The following ZFHX3 variants were observed in gnomAD, a reference collection of about 807,000 sequenced individuals.
ZFHX3 encodes zinc finger homeobox 3.
ZFHX3 carries 42 observed loss-of-function variants against 279.1 expected under a neutral mutation model. That is an observed-to-expected ratio of 0.15 (90% CI 0.12 to 0.19). The LOEUF (loss-of-function observed/expected upper bound fraction) is 0.19, where lower values mean the gene tolerates loss of function less well. Among genes scored for constraint, ZFHX3 ranks in the 10% least tolerant of loss-of-function variants. ZFHX3 has a pLI of 1.00. For synonymous variants in ZFHX3, 2,293 were observed against 1,957.8 expected, an observed-to-expected ratio of 1.17 and a Z score of -4.52; for missense variants, 4,981 against 4,754.0, an observed-to-expected ratio of 1.05 and a Z score of -1.40.
chr16:73,736,901 T>C lies in ZFHX3; in HGVS notation c.-1607-56661A>G, dbSNP rs372337613. ...AGAGATCACTGTGTGTATCAACATATGCTTTATTCATGGTCAATGCTGTCA... is the reference window on the plus strand; with the variant it reads ...AGAGATCACTGTGTGTATCAACATACGCTTTATTCATGGTCAATGCTGTCA... On this transcript the variant is annotated intron_variant, in intron 1 of 17. Coordinates refer to the ZFHX3 transcript ENST00000641206. 1.6e-4 allele frequency among the ~76,000 whole-genome samples: 24 copies of C among 152,356 alleles called. No homozygotes were observed. The East Asian group carries it at 3.1e-3, about 20-fold the overall frequency.
At chr16:73,299,934 C>G (rs1237942459) in intron 4 of ZFHX3, among the ~76,000 whole-genome samples, 1 of 152,148 alleles carries the variant, frequency 6.6e-6, no homozygotes, top group Non-Finnish European at 1.5e-5. Context: ...TTTTACAAAT[C>G]TGAATGATTT....
chr16:72,958,092 G>T lies in ZFHX3; in HGVS notation c.2054C>A (p.Thr685Asn), dbSNP rs369498943. 2.2e-5 allele frequency: 36 copies of T among 1,614,108 alleles called. No homozygotes were observed. The highest frequency in any genetic ancestry group is 9.3e-6 in the Non-Finnish European group (11 of 1,180,026). ...KCNWHYKYQQ[T>N]LEAHMKEKHP... Reference sequence around the variant, plus strand: ...CTTCTCCTTCATGTGTGCCTCCAGGGTCTGCTGGTACTTATAGTGCCAGTT... The same window carrying T: ...CTTCTCCTTCATGTGTGCCTCCAGGTTCTGCTGGTACTTATAGTGCCAGTT... Residue 685 changes from threonine (T) to asparagine (N), a missense_variant, in exon 2 of 10, where the codon ACC (threonine) becomes AAC (asparagine). By Grantham distance (65) the Thr-to-Asn change is moderately conservative. This residue lies in a region of ZFHX3 where 1,068 missense variants were observed against 935.2 expected (regional missense o/e 1.14). Coordinates refer to ENST00000268489, the MANE Select transcript of ZFHX3 (RefSeq NM_006885.4).
rs1374713428 is a variant in ZFHX3 at position 72,833,700 on chromosome 16, G to A, written c.3449-3841C>T. Among the ~76,000 whole-genome samples the A allele has an allele frequency of 6.6e-5, 10 of 152,046 alleles. No homozygotes were observed. In the South Asian group the frequency reaches 1.9e-3, roughly 28 times the overall value. Reference sequence around the variant, plus strand: ...AGGTCATCCCCACTCCCCTAGTCCCGCCCTGGTTCTGGGCAGGAGGTAGCA... The same window carrying A: ...AGGTCATCCCCACTCCCCTAGTCCCACCCTGGTTCTGGGCAGGAGGTAGCA... On this transcript the variant is annotated intron_variant, in intron 4 of 9. Transcript: ENST00000268489.
At chr16:72,913,316 A>C (rs1307375505) in intron 3 of ZFHX3, among the ~76,000 whole-genome samples, 3 of 152,238 alleles carry the variant, frequency 2.0e-5, no homozygotes, top group Admixed American at 6.5e-5. Flanking sequence ...ATGTCCCTGC[A>C]TAGCACTGAA....
At chr16:72,995,634 T>G (rs1416058247) in intron 1 of ZFHX3, among the ~76,000 whole-genome samples, 1 of 152,134 alleles carries the variant, frequency 6.6e-6, no homozygotes, top group Non-Finnish European at 1.5e-5. Context: ...CTGCAGAGGC[T>G]TAAGCCATGG....
chr16:72,842,526 T>C (rs1168332619), intron 4 of ZFHX3, among the ~76,000 whole-genome samples: 2 of 152,200 alleles, frequency 1.3e-5, no homozygotes, highest in South Asian at 2.1e-4. Flanking sequence ...GGTGTGAAGA[T>C]GAACTAATCA....
At chr16:73,479,308 G>A (rs1401125015) in intron 2 of ZFHX3, among the ~76,000 whole-genome samples, 1 of 152,144 alleles carries the variant, frequency 6.6e-6, no homozygotes, top group Non-Finnish European at 1.5e-5. Flanking sequence ...ATTACACATT[G>A]CTGAAGTTCT....
intron 5 of ZFHX3, among the ~76,000 whole-genome samples, chr16:73,148,131 T>G (rs931563812): frequency 5.3e-5 from 8 of 152,218 alleles, no homozygotes; most frequent in Non-Finnish European, 1.2e-4. Flanking sequence ...CATTCATTTA[T>G]GTATTGTCTA....
intron 2 of ZFHX3, among the ~76,000 whole-genome samples, chr16:73,521,133 C>T (rs1355738418): frequency 6.6e-6 from 1 of 152,170 alleles, no homozygotes; most frequent in Non-Finnish European, 1.5e-5. Context: ...GAATCCCAGC[C>T]TTCAATTATC....
At chr16:72,853,777 T>A (rs2037677468) in intron 4 of ZFHX3, among the ~76,000 whole-genome samples, 1 of 151,772 alleles carries the variant, frequency 6.6e-6, no homozygotes, top group African/African-American at 2.4e-5. Context: ...ATTTTTTTTT[T>A]AAAAGCCAAA....
chr16:73,323,318 G>A (rs1411324531), intron 3 of ZFHX3, among the ~76,000 whole-genome samples: 2 of 152,192 alleles, frequency 1.3e-5, no homozygotes, highest in Non-Finnish European at 2.9e-5. Context: ...ATCCAGCTAG[G>A]ACAGCCTGTT....
At chr16:73,017,276 G>A (rs1468671057) in intron 1 of ZFHX3, among the ~76,000 whole-genome samples, 5 of 151,884 alleles carry the variant, frequency 3.3e-5, no homozygotes, top group Non-Finnish European at 1.5e-5. Context: ...GGCTGAGTGG[G>A]CAATTTGAAT....
chr16:73,436,689 C>G (rs2018005291), intron 3 of ZFHX3, among the ~76,000 whole-genome samples: 1 of 151,776 alleles, frequency 6.6e-6, no homozygotes, highest in South Asian at 2.1e-4. Context: ...ATCAACTCAC[C>G]AGGACCTCCC....
At chr16:73,258,162 C>A (rs1052340915) in intron 4 of ZFHX3, among the ~76,000 whole-genome samples, 1 of 152,104 alleles carries the variant, frequency 6.6e-6, no homozygotes, top group Non-Finnish European at 1.5e-5. Flanking sequence ...TCAGTCTTGA[C>A]ACCAGCTTTT....
chr16:73,687,042 A>AT (rs1555532454), intron 1 of ZFHX3, among the ~76,000 whole-genome samples: 1 of 81,460 alleles, frequency 1.2e-5, no homozygotes, highest in African/African-American at 4.9e-5. Flanking sequence ...ATATATATAT[A>AT]TATATATATA....
At chr16:73,407,062 G>A (rs140420409) in intron 3 of ZFHX3, among the ~76,000 whole-genome samples, 7 of 152,114 alleles carry the variant, frequency 4.6e-5, no homozygotes, top group South Asian at 2.1e-4. Flanking sequence ...CCTGCAGGGC[G>A]TATTTGGCAA....
At chr16:73,121,826 CG>C in intron 7 of ZFHX3, among the ~76,000 whole-genome samples, 1 of 151,690 alleles carries the variant, frequency 6.6e-6, no homozygotes, top group East Asian at 1.9e-4. Flanking sequence ...CATGTTAGTC[CG>C]GATGGTCTGT....
At chr16:72,911,513 T>C (rs1427670545) in intron 3 of ZFHX3, among the ~76,000 whole-genome samples, 1 of 152,224 alleles carries the variant, frequency 6.6e-6, no homozygotes, top group Non-Finnish European at 1.5e-5. Flanking sequence ...TCAGTTTACC[T>C]TCTCGGTCAG....
intron 3 of ZFHX3, among the ~76,000 whole-genome samples, chr16:73,439,299 A>G (rs930581409): frequency 3.9e-5 from 6 of 152,138 alleles, no homozygotes; most frequent in African/African-American, 1.4e-4. Context: ...TAAAAGAGCC[A>G]CCTGGGAGAT....
Sources: gnomAD v4.1 joint callset for allele counts (sites outside exome capture counted in the v4.1 genomes callset) on GRCh38, gnomAD v4.1.1 for gene constraint, gnomAD v4.1.1 regional missense constraint, MANE v1.5 for transcripts, NCBI Gene and HGNC (gene_info 2026-07-23, HGNC 2026-07-21) for gene names.